The following SERPINA9 variants were observed in gnomAD, a reference collection of about 807,000 sequenced individuals.
SERPINA9 encodes the protein serpin A9.
SERPINA9 carries 32 observed loss-of-function variants against 24.5 expected under a neutral mutation model. The observed-to-expected ratio is 1.30, with a 90% confidence interval of 0.98 to 1.75. The LOEUF is 1.75. SERPINA9 is among the 40% of genes most tolerant of loss of function. The pLI is 0.00. For missense variants in SERPINA9, 594 were observed against 497.1 expected, an observed-to-expected ratio of 1.19 and a Z score of -1.85; for synonymous variants, 233 against 197.7, an observed-to-expected ratio of 1.18 and a Z score of -1.50.
intron 1 of SERPINA9, chr14:94,475,830 C>G: frequency 2.1e-6 from 1 of 470,898 alleles, no homozygotes; most frequent in Non-Finnish European, 3.8e-6. Flanking sequence ...CTTTCACCCT[C>G]TCATTTGCTT....
intron 1 of SERPINA9, among the ~76,000 whole-genome samples, chr14:94,473,001 G>A (rs556911016): frequency 1.3e-5 from 2 of 152,274 alleles, no homozygotes; most frequent in Non-Finnish European, 2.9e-5. Flanking sequence ...AGGGATGTGC[G>A]GACTTGGTTC....
chr14:94,472,835 G>T (rs1198839718), intron 1 of SERPINA9, among the ~76,000 whole-genome samples: 27 of 152,188 alleles, frequency 1.8e-4, no homozygotes, highest in Non-Finnish European at 3.7e-4. Context: ...AGAGATTCAG[G>T]CTGGGAGGAC....
intron 1 of SERPINA9, 105 bp downstream of exon 1, chr14:94,476,031 A>C (rs2139832373): frequency 6.5e-7 from 1 of 1,547,246 alleles, no homozygotes. Flanking sequence ...ATCTTATTTG[A>C]CTTCCCAGCT....
chr14:94,475,867 C>G (rs7149989), intron 1 of SERPINA9: 1 of 515,430 alleles, frequency 1.9e-6, no homozygotes, highest in African/African-American at 1.9e-5. Context: ...TTCAATACTC[C>G]TCCCCTTGTG....
chr14:94,475,917 G>A lies in SERPINA9; in HGVS notation c.-18+219C>T, dbSNP rs181449431. 453 of 604,046 alleles carry A rather than the reference G, an allele frequency of 7.5e-4. 2 individuals carry two copies. The African/African-American group carries it at 7.8e-3, about 10-fold the overall frequency. The allele number at this position is 604,046 out of a possible 1,614,324, so 37.4% of individuals were successfully genotyped here. A position where few individuals can be genotyped will look rare whatever the true frequency, so the allele number is the denominator to read the frequency against. ...GAGCTGTGTATTCATGGTCTCTGTG[G>A]CCTTACCTCCAACTCACTCACTGGT... On this transcript the variant is annotated intron_variant, in intron 1 of 4. Transcript: ENST00000674397.
intron 1 of SERPINA9, among the ~76,000 whole-genome samples, chr14:94,471,926 C>A (rs1051409131): frequency 1.3e-5 from 2 of 152,160 alleles, no homozygotes; most frequent in African/African-American, 4.8e-5. Context: ...TATCTCTCCC[C>A]TGGACAATCC....
At chr14:94,466,414 C>G (rs1430345020) in intron 3 of SERPINA9, among the ~76,000 whole-genome samples, 1 of 152,218 alleles carries the variant, frequency 6.6e-6, no homozygotes, top group Admixed American at 6.5e-5. Context: ...TTCTTGAATT[C>G]CAGTTACACT....
Position 94,467,317 on chromosome 14 carries a change from G to C in SERPINA9, c.694C>G (p.Gln232Glu). The change falls in exon 3 of 5, where the codon CAG (glutamine) becomes GAG (glutamate). Residue 232 changes from glutamine to glutamate, a missense_variant. Transcript: ENST00000674397. ...ATCATGGGGACATGCACAGTGACCT[G>C]CTCGCCCACCAGGAATGGGAAGTTC... ...RKNFPFLVGEQVTVHVPMMHQ... is the reference protein window; with the variant it reads ...RKNFPFLVGEEVTVHVPMMHQ... 6.2e-7 allele frequency: 1 copy of C among 1,613,990 alleles called. No individual in the cohort carries two copies.
intron 1 of SERPINA9, chr14:94,475,817 C>G (rs528566479): frequency 1.6e-5 from 7 of 424,874 alleles, no homozygotes; most frequent in Admixed American, 8.0e-5. Flanking sequence ...AACAAAAACA[C>G]TCCTTTCACC....
At chr14:94,476,097 A>T (rs1209533608) in intron 1 of SERPINA9, 39 bp downstream of exon 1, 1 of 1,613,818 alleles carries the variant, frequency 6.2e-7, no homozygotes, top group Admixed American at 1.7e-5. Context: ...GCTCAGTGAC[A>T]CCACATTCCC....
chr14:94,469,885 G>A (rs55683719), intron 1 of SERPINA9, 28 bp from the exon 2 acceptor site: 1 of 1,491,444 alleles, frequency 6.7e-7, no homozygotes, highest in African/African-American at 1.4e-5. Flanking sequence ...ACCATTGAGG[G>A]GGTAAACTGA....
chr14:94,467,870 T>G (rs952850669), intron 2 of SERPINA9, among the ~76,000 whole-genome samples: 2 of 150,964 alleles, frequency 1.3e-5, no homozygotes, highest in Admixed American at 6.6e-5. Context: ...AGTGGATAGG[T>G]GGTTGGCTAG....
At chr14:94,465,955 A>G (rs1464594942) in intron 3 of SERPINA9, among the ~76,000 whole-genome samples, 1 of 152,200 alleles carries the variant, frequency 6.6e-6, no homozygotes, top group Admixed American at 6.5e-5. Flanking sequence ...GAAAGCACAA[A>G]AATATTGGAT....
At chr14:94,464,407 C>T in intron 4 of SERPINA9, 1 of 474,878 alleles carries the variant, frequency 2.1e-6, no homozygotes, top group Non-Finnish European at 3.7e-6. Flanking sequence ...AGGGCCTAAA[C>T]TTCAGGGAGG....
At chr14:94,474,944 T>C (rs746140645) in intron 1 of SERPINA9, among the ~76,000 whole-genome samples, 1 of 151,980 alleles carries the variant, frequency 6.6e-6, no homozygotes, top group Middle Eastern at 3.4e-3. Flanking sequence ...TCAGAAAAAA[T>C]GCTCAAGCCC....
chr14:94,465,468 C>T (rs1262448307), intron 3 of SERPINA9, among the ~76,000 whole-genome samples: 1 of 152,298 alleles, frequency 6.6e-6, no homozygotes, highest in East Asian at 1.9e-4. Context: ...GATAATTTAG[C>T]ACAATATTTT....
Position 94,463,273 on chromosome 14 carries a change from A to C in SERPINA9, c.1074T>G (p.Asp358Glu). Residue 358 changes from aspartate (D) to glutamate (E), a missense_variant, in exon 5 of 5, where the codon GAT becomes GAG. Transcript: ENST00000674397. ...TGGCCTCAGTGCCCTCTTCACTGACATCCAGCACAGCCTTGTGGGTTGCCT... is the reference window on the plus strand; with the variant it reads ...TGGCCTCAGTGCCCTCTTCACTGACCTCCAGCACAGCCTTGTGGGTTGCCT... ...VSKATHKAVL[D>E]VSEEGTEATA... 1 of 1,614,154 alleles carries C rather than the reference A, an allele frequency of 6.2e-7. No individual in the cohort carries two copies. The highest frequency in any genetic ancestry group is 1.1e-5 in the South Asian group (1 of 91,078).
At chr14:94,465,675 A>G (rs1302442733) in intron 3 of SERPINA9, among the ~76,000 whole-genome samples, 3 of 152,084 alleles carry the variant, frequency 2.0e-5, no homozygotes, top group Non-Finnish European at 4.4e-5. Flanking sequence ...TTACAGGTGT[A>G]CGTGGCCATG....
At chr14:94,470,025 T>A (rs1347733608) in intron 1 of SERPINA9, 168 bp from the exon 2 acceptor site, 2 of 646,006 alleles carry the variant, frequency 3.1e-6, no homozygotes, top group Non-Finnish European at 4.8e-6. Flanking sequence ...ATGATGTAGA[T>A]CTTATTATTG....
Sources: gnomAD v4.1 joint callset for allele counts (sites outside exome capture counted in the v4.1 genomes callset) on GRCh38, gnomAD v4.1.1 for gene constraint, MANE v1.5 for transcripts, NCBI Gene and HGNC (gene_info 2026-07-23, HGNC 2026-07-21) for gene names.